HIF1A: variants seen among roughly 807,000 people sequenced by gnomAD.
The protein encoded by HIF1A is hypoxia-inducible factor 1-alpha.
In HIF1A, 24 loss-of-function variants were observed where a neutral mutation model predicts 92.7. The ratio of observed to expected loss-of-function variants is 0.26; its 90% CI spans 0.19 to 0.36. The LOEUF is 0.36. HIF1A is among the 10% of genes least tolerant of loss of function. The pLI is 1.00. For missense variants in HIF1A, 799 were observed against 998.5 expected (o/e 0.80, Z 2.69); for synonymous variants, 319 against 338.7 (o/e 0.94, Z 0.64).
At position 61,737,129 on chromosome 14, in the gene HIF1A, A is replaced by G. The variant is rs777502476; in HGVS notation, c.1249+20A>G. The stretch of plus-strand genomic sequence containing the variant: ...GCAACGGTGAGTAGTTATTTTTGTT[A>G]ATCCCCTAAATTGTGTCTGTTGCTA... On this transcript the variant is annotated intron_variant, in intron 9 of 14. Transcript: ENST00000337138. 1.3e-6 allele frequency: 2 copies of G among 1,547,876 alleles called. No homozygotes were observed. The highest frequency in any genetic ancestry group is 1.8e-6 in the Non-Finnish European group (2 of 1,120,746).
chr14:61,717,131 C>G (rs1302448415), intron 1 of HIF1A: 1 of 152,098 alleles, frequency 6.6e-6, no homozygotes, highest in African/African-American at 2.4e-5. Context: ...GCAATGTAAG[C>G]AGTAAAACAA....
chr14:61,726,728 A>G lies in HIF1A; in HGVS notation c.480A>G (p.Glu160=). The change falls in exon 5 of 15, where the codon GAA becomes GAG. Residue 160 remains glutamate (E), a synonymous_variant. Coordinates refer to ENST00000337138, the MANE Select transcript of HIF1A (RefSeq NM_001530.4). ...HRNGLVKKGK[E]QNTQRSFFLR... ...TAGGCCTTGTGAAAAAGGGTAAAGAACAAAACACACAGCGAAGCTTTTTTC... is the reference window on the plus strand; with the variant it reads ...TAGGCCTTGTGAAAAAGGGTAAAGAGCAAAACACACAGCGAAGCTTTTTTC... 2 of 1,607,862 alleles carry G rather than the reference A, an allele frequency of 1.2e-6. No individual in the cohort carries two copies. The highest frequency in any genetic ancestry group is 1.7e-6 in the Non-Finnish European group (2 of 1,177,198).
rs1189351674 is a variant in HIF1A at position 61,695,721 on chromosome 14, T to C, written c.-84T>C. On this transcript the variant is annotated 5_prime_UTR_variant, in exon 1 of 15. Coordinates refer to ENST00000337138, the MANE Select transcript of HIF1A (RefSeq NM_001530.4). ...TCTGGACTTGCCTTTCCTTCTCTTC[T>C]CCGCGTGTGGAGGGAGCCAGCGCTT... 2.8e-6 allele frequency: 4 copies of C among 1,447,390 alleles called. No individual in the cohort carries two copies. The East Asian group carries it at 7.4e-5, about 27-fold the overall frequency. The allele number at this position is 1,447,390 out of a possible 1,614,324, so 89.7% of individuals were successfully genotyped here. A position where few individuals can be genotyped will look rare whatever the true frequency, so the allele number is the denominator to read the frequency against.
chr14:61,699,412 A>G (rs942219918), intron 1 of HIF1A, among the ~76,000 whole-genome samples: 1 of 151,782 alleles, frequency 6.6e-6, no homozygotes, highest in African/African-American at 2.4e-5. Flanking sequence ...TTGTATGTCA[A>G]GAGTGGTGTA....
chr14:61,743,010 A>G (rs919919620), intron 12 of HIF1A, among the ~76,000 whole-genome samples: 1 of 151,608 alleles, frequency 6.6e-6, no homozygotes, highest in Admixed American at 6.6e-5. Flanking sequence ...CAGTTTTCTG[A>G]ACAACTGTTC....
intron 4 of HIF1A, 46 bp downstream of exon 4, chr14:61,721,869 A>G (rs1428529092): frequency 1.5e-6 from 2 of 1,323,332 alleles, no homozygotes; most frequent in South Asian, 1.2e-5. Flanking sequence ...GTGGTTTTAC[A>G]TAATAAGATA....
intron 1 of HIF1A, among the ~76,000 whole-genome samples, chr14:61,701,450 G>T (rs2140117310): frequency 1.3e-5 from 2 of 151,376 alleles, no homozygotes; most frequent in African/African-American, 2.4e-5. Flanking sequence ...GGTCCCCCGT[G>T]TTTCCCCCTT....
At chr14:61,705,680 T>C (rs1277468708) in intron 1 of HIF1A, among the ~76,000 whole-genome samples, 1 of 152,166 alleles carries the variant, frequency 6.6e-6, no homozygotes, top group East Asian at 1.9e-4. Flanking sequence ...AGGGTGGAGA[T>C]TCTCAGGTGG....
At chr14:61,720,675 C>A in intron 2 of HIF1A, 103 bp downstream of exon 2, 1 of 679,020 alleles carries the variant, frequency 1.5e-6, no homozygotes, top group South Asian at 2.5e-5. Flanking sequence ...TTTTGTATAC[C>A]TCTTTATATT....
chr14:61,710,979 G>A (rs1594862076), intron 1 of HIF1A, among the ~76,000 whole-genome samples: 3 of 151,862 alleles, frequency 2.0e-5, no homozygotes, highest in Admixed American at 1.3e-4. Context: ...CCTGGGAGGC[G>A]GAGGTTGCAG....
intron 6 of HIF1A, among the ~76,000 whole-genome samples, chr14:61,728,073 A>G (rs536689059): frequency 4.6e-5 from 7 of 152,326 alleles, no homozygotes; most frequent in African/African-American, 1.4e-4. Context: ...ACTAAATTGA[A>G]CAGAATGATA....
chr14:61,712,029 T>G (rs1235491337), intron 1 of HIF1A, among the ~76,000 whole-genome samples: 1 of 152,218 alleles, frequency 6.6e-6, no homozygotes, highest in Non-Finnish European at 1.5e-5. Context: ...TCTATGGAAC[T>G]TACTTTCCAG....
chr14:61,718,061 T>G (rs2044383494), intron 1 of HIF1A, among the ~76,000 whole-genome samples: 1 of 151,992 alleles, frequency 6.6e-6, no homozygotes, highest in African/African-American at 2.4e-5. Context: ...TATAAGGTTT[T>G]CAATTTTTTC....
At position 61,741,207 on chromosome 14, in the gene HIF1A, C is replaced by T; in HGVS notation, c.2093+19C>T. 5 of 1,484,978 alleles carry T rather than the reference C, an allele frequency of 3.4e-6. No individual in the cohort carries two copies. Among genetic ancestry groups the T allele is most frequent in the Non-Finnish European group, 4.6e-6 (5 of 1,088,886 alleles). The allele number at this position is 1,484,978 out of a possible 1,614,324, so 92.0% of individuals were successfully genotyped here. A position where few individuals can be genotyped will look rare whatever the true frequency, so the allele number is the denominator to read the frequency against. ...GTCAAAGGTATTTATATGTAACATT[C>T]AAGTTATAGTTCTTTTATTATTTTT... On this transcript the variant is annotated intron_variant, in intron 12 of 14. Coordinates refer to ENST00000337138, the MANE Select transcript of HIF1A (RefSeq NM_001530.4).
chr14:61,706,134 A>G (rs140746051), intron 1 of HIF1A, among the ~76,000 whole-genome samples: 1 of 152,314 alleles, frequency 6.6e-6, no homozygotes. Flanking sequence ...TAAGGGAAAC[A>G]GAAAGAAAAG....
intron 13 of HIF1A, among the ~76,000 whole-genome samples, chr14:61,745,399 G>C (rs983279991): frequency 6.6e-6 from 1 of 152,128 alleles, no homozygotes; most frequent in Non-Finnish European, 1.5e-5. Flanking sequence ...CTCCAGCCTG[G>C]GTAAGAGAGT....
At position 61,726,805 on chromosome 14, in the gene HIF1A, C is replaced by T. The variant is rs2044510792; in HGVS notation, c.557C>T (p.Ser186Phe). The change falls in exon 5 of 15, where the codon TCT becomes TTT. Residue 186 changes from serine to phenylalanine, a missense_variant. Ser to Phe is a radical substitution (Grantham distance 155). Coordinates refer to ENST00000337138, the MANE Select transcript of HIF1A (RefSeq NM_001530.4). ...CGAGGAAGAACTATGAACATAAAGT[C>T]TGCAACATGGAAGGTAAGTGAAAAT... ...TSRGRTMNIK[S>F]ATWKVLHCTG... 1 of 1,584,770 alleles carries T rather than the reference C, an allele frequency of 6.3e-7. No homozygotes were observed. Among genetic ancestry groups the T allele is most frequent in the Non-Finnish European group, 8.6e-7 (1 of 1,160,104 alleles).
chr14:61,746,794 T>C (rs534874452), intron 14 of HIF1A, 140 bp from the exon 15 acceptor site: 15 of 591,142 alleles, frequency 2.5e-5, no homozygotes, highest in African/African-American at 2.1e-4. Context: ...CTTTTTAACA[T>C]AGTTGTGGTT....
At chr14:61,741,501 G>T (rs1225404149) in intron 12 of HIF1A, among the ~76,000 whole-genome samples, 1 of 151,786 alleles carries the variant, frequency 6.6e-6, no homozygotes, top group African/African-American at 2.4e-5. Flanking sequence ...GAGTAGCTGG[G>T]ATTACAGGCA....
Sources: gnomAD v4.1 joint callset for allele counts (sites outside exome capture counted in the v4.1 genomes callset) on GRCh38, gnomAD v4.1.1 for gene constraint, MANE v1.5 for transcripts, NCBI Gene and HGNC (gene_info 2026-07-23, HGNC 2026-07-21) for gene names.